Variants in VAC14 observed in about 807,000 individuals in gnomAD.
VAC14 encodes the protein protein VAC14 homolog.
A neutral mutation model predicts 85.3 loss-of-function variants in VAC14; 47 were observed. That is an observed-to-expected ratio of 0.55 (90% CI 0.44 to 0.70). The LOEUF (loss-of-function observed/expected upper bound fraction) is 0.70, where lower values mean the gene tolerates loss of function less well. Among genes scored for constraint, VAC14 ranks in the 30% least tolerant of loss-of-function variants. VAC14 has a pLI of 0.00. For missense variants in VAC14, 861 were observed against 1,004.3 expected, an observed-to-expected ratio of 0.86 and a Z score of 1.93; for synonymous variants, 447 against 430.5, an observed-to-expected ratio of 1.04 and a Z score of -0.47.
At chr16:70,740,196 G>C (rs2030133081) in intron 13 of VAC14, among the ~76,000 whole-genome samples, 1 of 152,164 alleles carries the variant, frequency 6.6e-6, no homozygotes, top group Admixed American at 6.5e-5. Flanking sequence ...CCTGACCTCA[G>C]GTGATCCATC....
At chr16:70,745,728 C>A (rs182497704) in intron 12 of VAC14, among the ~76,000 whole-genome samples, 1 of 152,198 alleles carries the variant, frequency 6.6e-6, no homozygotes, top group African/African-American at 2.4e-5. Flanking sequence ...ACTGTCCCTG[C>A]GCCCAGCAGA....
Position 70,692,812 on chromosome 16 carries a change from G to C in VAC14, c.2186+9C>G. 1 of 1,594,454 alleles carries C rather than the reference G, an allele frequency of 6.3e-7. No homozygotes were observed. Among genetic ancestry groups the C allele is most frequent in the Non-Finnish European group, 8.5e-7 (1 of 1,173,558 alleles). On this transcript the variant is annotated intron_variant, in intron 18 of 18. Transcript: ENST00000261776. ...GGGGCGGGGGCAGCAGTCCCCAGCC[G>C]GCACTCACTCGGTCTGCAGCAGCTC...
At chr16:70,703,271 C>T (rs1055504350) in intron 14 of VAC14, among the ~76,000 whole-genome samples, 8 of 152,224 alleles carry the variant, frequency 5.3e-5, no homozygotes, top group Non-Finnish European at 7.3e-5. Context: ...CGCATGAAAA[C>T]GCTATTCGTC....
At chr16:70,695,770 C>T (rs552762836) in intron 16 of VAC14, 147 bp from the exon 17 acceptor site, 21 of 689,466 alleles carry the variant, frequency 3.0e-5, no homozygotes, top group Admixed American at 5.0e-5. Context: ...GGACACCAGG[C>T]TCTTCCCTGT....
In VAC14 at chr16:70,781,936, C is replaced by G. The variant is rs1217740993; in HGVS notation, c.879G>C (p.Met293Ile). 3 of 1,614,176 alleles carry G rather than the reference C, an allele frequency of 1.9e-6. No homozygotes were observed. The Admixed American group carries it at 5.0e-5, about 27-fold the overall frequency. ...TCAGGATCCCGGAGGAGTAAGGCAG[C>G]ATGACGCGGCCCGCCAGCTGGATGA... is the stretch of plus-strand genomic sequence containing the variant. ...REFIQLAGRV[M>I]LPYSSGILTA... Residue 293 changes from methionine to isoleucine, a missense_variant, in exon 8 of 19, where the codon ATG (methionine) becomes ATC (isoleucine). Physicochemically the swap from Met to Ile is conservative, Grantham distance 10. Coordinates refer to ENST00000261776, the MANE Select transcript of VAC14 (RefSeq NM_018052.5).
intron 7 of VAC14, 42 bp from the exon 8 acceptor site, chr16:70,782,045 A>C: frequency 6.2e-7 from 1 of 1,601,998 alleles, no homozygotes; most frequent in South Asian, 1.1e-5. Flanking sequence ...CAGCACACGC[A>C]GCCCGAGTGC....
chr16:70,720,317 C>G (rs2054258067), intron 14 of VAC14, among the ~76,000 whole-genome samples: 1 of 152,176 alleles, frequency 6.6e-6, no homozygotes, highest in Admixed American at 6.5e-5. Context: ...TGTGCACTTT[C>G]AAATAGTACG....
chr16:70,692,787 G>A, intron 18 of VAC14, 34 bp downstream of exon 18: 1 of 1,581,144 alleles, frequency 6.3e-7, no homozygotes, highest in Non-Finnish European at 8.6e-7. Context: ...CCCTGCTCAG[G>A]GGGCGGGGGC....
rs147416718 is a variant in VAC14 at position 70,780,616 on chromosome 16, T to G, written c.1096+174A>C. ...GTACTCAGCTTCCCTGTGTCCTGTC[T>G]GCAGAATGGGGGAGAACCACTGCTG... On this transcript the variant is annotated intron_variant, in intron 9 of 18. Transcript: ENST00000261776. Among the ~76,000 whole-genome samples, 219 of 152,342 alleles carry G rather than the reference T, an allele frequency of 1.4e-3. 2 individuals are homozygous for G. Among genetic ancestry groups the G allele is most frequent in the Middle Eastern group, 0.014 (4 of 294 alleles).
At chr16:70,743,912 G>A (rs1214992877) in intron 13 of VAC14, among the ~76,000 whole-genome samples, 6 of 152,152 alleles carry the variant, frequency 3.9e-5, no homozygotes, top group South Asian at 2.1e-4. Context: ...ACCGAGGGGC[G>A]AGTGCTGGGG....
At position 70,739,604 on chromosome 16, in the gene VAC14, G is replaced by C. The variant is rs567566265; in HGVS notation, c.1528+4819C>G. ...GCCAGGCTCCTGGCCCAAACAAGTG[G>C]GGAATGACACAGTGCTGGCCTCTCA... On this transcript the variant is annotated intron_variant, in intron 13 of 18. Coordinates refer to ENST00000261776, the MANE Select transcript of VAC14 (RefSeq NM_018052.5). 7.2e-5 allele frequency among the ~76,000 whole-genome samples: 11 copies of C among 152,270 alleles called. No homozygotes were observed. The East Asian group carries it at 1.5e-3, about 21-fold the overall frequency.
chr16:70,786,432 G>A (rs2034063695), intron 1 of VAC14, 67 bp from the exon 2 acceptor site: 1 of 1,579,360 alleles, frequency 6.3e-7, no homozygotes, highest in South Asian at 1.1e-5. Flanking sequence ...AGGGCCTGGG[G>A]CGGCAATGAG....
chr16:70,728,554 T>C (rs962540218), intron 14 of VAC14, among the ~76,000 whole-genome samples: 2 of 152,198 alleles, frequency 1.3e-5, no homozygotes, highest in African/African-American at 2.4e-5. Flanking sequence ...AACATGGCAG[T>C]GGGCTGGCCT....
chr16:70,789,154 G>A (rs1283886666), intron 1 of VAC14, among the ~76,000 whole-genome samples: 1 of 152,224 alleles, frequency 6.6e-6, no homozygotes, highest in Admixed American at 6.5e-5. Context: ...GAATGCGGTG[G>A]GAGGACTCAA....
At chr16:70,690,652 G>C (rs1294272862) in intron 18 of VAC14, 19 of 985,470 alleles carry the variant, frequency 1.9e-5, no homozygotes, top group Non-Finnish European at 2.0e-5. Flanking sequence ...GCTGTTCCCA[G>C]CTCCAAGGCC....
chr16:70,718,541 TC>T (rs914473028), intron 14 of VAC14, among the ~76,000 whole-genome samples: 16 of 150,214 alleles, frequency 1.1e-4, no homozygotes, highest in Middle Eastern at 3.4e-3. Flanking sequence ...GCCACTGCAC[TC>T]CAGTCTGGGT....
At chr16:70,782,055 C>G in intron 7 of VAC14, 52 bp from the exon 8 acceptor site, 1 of 1,596,328 alleles carries the variant, frequency 6.3e-7, no homozygotes, top group Non-Finnish European at 8.6e-7. Flanking sequence ...AGCCCGAGTG[C>G]TCCCTCCCAT....
chr16:70,739,063 C>G (rs948140332), intron 13 of VAC14, among the ~76,000 whole-genome samples: 2 of 152,234 alleles, frequency 1.3e-5, no homozygotes, highest in African/African-American at 4.8e-5. Context: ...ATAACTAGGA[C>G]ACAAGCAAAG....
intron 14 of VAC14, among the ~76,000 whole-genome samples, chr16:70,729,396 G>A (rs1284339259): frequency 6.6e-6 from 1 of 152,090 alleles, no homozygotes; most frequent in Non-Finnish European, 1.5e-5. Flanking sequence ...TTGTCTTTCT[G>A]GTCAGGCAGG....
Sources: gnomAD v4.1 joint callset for allele counts (sites outside exome capture counted in the v4.1 genomes callset) on GRCh38, gnomAD v4.1.1 for gene constraint, MANE v1.5 for transcripts, NCBI Gene and HGNC (gene_info 2026-07-23, HGNC 2026-07-21) for gene names.